Variants in NAV3 observed in about 807,000 individuals in gnomAD.
NAV3 encodes neuron navigator 3, also known as pore membrane and/or filament interacting like protein 1.
A neutral mutation model predicts 244.7 loss-of-function variants in NAV3; 87 were observed. The ratio of observed to expected loss-of-function variants is 0.36; its 90% CI spans 0.30 to 0.42. The LOEUF (loss-of-function observed/expected upper bound fraction) is 0.42. NAV3 is among the 20% of genes least tolerant of loss of function. NAV3 has a pLI of 1.00. For missense variants in NAV3, 2,663 were observed against 2,893.3 expected, an observed-to-expected ratio of 0.92 and a Z score of 1.83; for synonymous variants, 1,126 against 1,042.2, an observed-to-expected ratio of 1.08 and a Z score of -1.55.
chr12:77,577,573 A>G (rs1869150969), intron 2 of NAV3, among the ~76,000 whole-genome samples: 1 of 152,192 alleles, frequency 6.6e-6, no homozygotes, highest in Admixed American at 6.5e-5. Context: ...AGACGTCAAT[A>G]GATATAGTGA....
chr12:77,989,606 A>G (rs944290192), intron 5 of NAV3, among the ~76,000 whole-genome samples: 1 of 152,220 alleles, frequency 6.6e-6, no homozygotes, highest in South Asian at 2.1e-4. Flanking sequence ...TGCAGCTGGT[A>G]CAATGTATTC....
chr12:78,098,587 G>T (rs564159755), intron 12 of NAV3, among the ~76,000 whole-genome samples: 1 of 151,810 alleles, frequency 6.6e-6, no homozygotes, highest in South Asian at 2.1e-4. Context: ...AAAATTTTCT[G>T]GGCAAAAATA....
intron 2 of NAV3, among the ~76,000 whole-genome samples, chr12:77,598,042 A>G (rs967382913): frequency 6.6e-6 from 1 of 152,104 alleles, no homozygotes; most frequent in Admixed American, 6.6e-5. Flanking sequence ...TTTCAATTGT[A>G]TAACAATGTA....
intron 12 of NAV3, among the ~76,000 whole-genome samples, chr12:78,112,132 T>A (rs1333278844): frequency 6.6e-6 from 1 of 152,184 alleles, no homozygotes; most frequent in Non-Finnish European, 1.5e-5. Context: ...CACTTGAAAC[T>A]TGAGGCCAGA....
intron 1 of NAV3, among the ~76,000 whole-genome samples, chr12:77,891,764 C>T (rs1367741307): frequency 3.3e-5 from 5 of 152,302 alleles, no homozygotes; most frequent in African/African-American, 4.8e-5. Flanking sequence ...TAAAGTCTTG[C>T]TTTCCAGTGT....
intron 24 of NAV3, among the ~76,000 whole-genome samples, chr12:78,169,090 A>T (rs1349703853): frequency 6.6e-6 from 1 of 151,742 alleles, no homozygotes; most frequent in African/African-American, 2.4e-5. Flanking sequence ...ATTATCAGAT[A>T]ATTTTTAAAC....
chr12:77,624,488 C>T (rs928964194), intron 2 of NAV3, among the ~76,000 whole-genome samples: 8 of 152,014 alleles, frequency 5.3e-5, no homozygotes, highest in Admixed American at 5.2e-4. Flanking sequence ...ACACTCTGTA[C>T]TCTATATTAA....
chr12:78,075,544 G>A (rs2137717544), intron 12 of NAV3, among the ~76,000 whole-genome samples: 1 of 152,240 alleles, frequency 6.6e-6, no homozygotes, highest in South Asian at 2.1e-4. Flanking sequence ...TTCCTAGATA[G>A]GATTTGGGGG....
At chr12:77,957,006 G>A (rs963904248) in intron 3 of NAV3, among the ~76,000 whole-genome samples, 7 of 152,112 alleles carry the variant, frequency 4.6e-5, no homozygotes, top group African/African-American at 1.7e-4. Context: ...GCCTCCCAAG[G>A]TGCTGGGATT....
chr12:77,767,327 G>T, intron 2 of NAV3, among the ~76,000 whole-genome samples: 1 of 152,204 alleles, frequency 6.6e-6, no homozygotes, highest in East Asian at 1.9e-4. Flanking sequence ...AGGATCCTTA[G>T]GGTGTCGCTT....
intron 12 of NAV3, among the ~76,000 whole-genome samples, chr12:78,111,281 C>T (rs1177687458): frequency 2.0e-5 from 3 of 152,104 alleles, no homozygotes; most frequent in East Asian, 1.9e-4. Flanking sequence ...GTATCATTCA[C>T]TGACAATGTT....
At chr12:77,744,385 C>A (rs543661077) in intron 2 of NAV3, among the ~76,000 whole-genome samples, 1 of 152,044 alleles carries the variant, frequency 6.6e-6, no homozygotes, top group South Asian at 2.1e-4. Context: ...TTAATAGAGA[C>A]TATTACTCCC....
At chr12:77,755,032 T>C (rs1555201703) in intron 2 of NAV3, among the ~76,000 whole-genome samples, 1 of 152,202 alleles carries the variant, frequency 6.6e-6, no homozygotes, top group Non-Finnish European at 1.5e-5. Flanking sequence ...TTTGCTGAAT[T>C]AAAAACAATT....
At chr12:78,049,493 G>A (rs1048254322) in intron 9 of NAV3, among the ~76,000 whole-genome samples, 15 of 152,282 alleles carry the variant, frequency 9.9e-5, no homozygotes, top group Admixed American at 9.8e-4. Flanking sequence ...CTTCCCAGGT[G>A]AGGCAACACC....
chr12:77,768,506 G>A (rs1869902053), intron 2 of NAV3, among the ~76,000 whole-genome samples: 1 of 152,220 alleles, frequency 6.6e-6, no homozygotes, highest in Non-Finnish European at 1.5e-5. Context: ...GGCAGCAGGG[G>A]GCTAGTGAGT....
intron 1 of NAV3, among the ~76,000 whole-genome samples, chr12:77,862,653 A>C (rs1011462731): frequency 6.6e-6 from 1 of 151,868 alleles, no homozygotes; most frequent in Non-Finnish European, 1.5e-5. Flanking sequence ...AAAATTATAA[A>C]AAAGGGAGCA....
intron 1 of NAV3, among the ~76,000 whole-genome samples, chr12:77,913,322 A>C (rs1294032717): frequency 6.6e-6 from 1 of 152,050 alleles, no homozygotes; most frequent in Non-Finnish European, 1.5e-5. Context: ...GAATATATTA[A>C]ACTTATAGTA....
At chr12:77,623,780 C>T (rs1053300637) in intron 2 of NAV3, among the ~76,000 whole-genome samples, 1 of 152,034 alleles carries the variant, frequency 6.6e-6, no homozygotes, top group African/African-American at 2.4e-5. Flanking sequence ...ACCTTTAAAT[C>T]GAGAGCATTT....
intron 8 of NAV3, among the ~76,000 whole-genome samples, chr12:78,009,417 C>T (rs1874834603): frequency 8.6e-6 from 1 of 115,758 alleles, no homozygotes; most frequent in African/African-American, 3.3e-5. Flanking sequence ...TGCATTTGCA[C>T]TGCAGCCTGG....
Sources: gnomAD v4.1 joint callset for allele counts (sites outside exome capture counted in the v4.1 genomes callset) on GRCh38, gnomAD v4.1.1 for gene constraint, MANE v1.5 for transcripts, NCBI Gene and HGNC (gene_info 2026-07-23, HGNC 2026-07-21) for gene names.